NR2F1-AS1: variants seen among roughly 807,000 people sequenced by gnomAD.
NR2F1-AS1 encodes NR2F1 antisense RNA 1.
chr5:93,438,605 C>T (rs1228802165), intron 4 of NR2F1-AS1: 5 of 152,254 alleles, frequency 3.3e-5, no homozygotes, highest in African/African-American at 1.2e-4. Context: ...TCACTCTATT[C>T]TCCATACTGC....
At chr5:93,471,512 C>T (rs1490273818) in intron 4 of NR2F1-AS1, among the ~76,000 whole-genome samples, 1 of 151,562 alleles carries the variant, frequency 6.6e-6, no homozygotes, top group Non-Finnish European at 1.5e-5. Flanking sequence ...ATATAATAAC[C>T]TAATAAAATT....
chr5:93,450,768 A>G (rs1236918644), intron 4 of NR2F1-AS1, among the ~76,000 whole-genome samples: 1 of 152,100 alleles, frequency 6.6e-6, no homozygotes, highest in African/African-American at 2.4e-5. Context: ...TGAATACTCA[A>G]GAGCAAGATA....
At chr5:93,513,718 C>T (rs970359643) in intron 4 of NR2F1-AS1, among the ~76,000 whole-genome samples, 5 of 152,150 alleles carry the variant, frequency 3.3e-5, no homozygotes, top group Non-Finnish European at 7.4e-5. Flanking sequence ...GCTCATTACC[C>T]GGTTGACAGG....
intron 4 of NR2F1-AS1, among the ~76,000 whole-genome samples, chr5:93,449,348 C>T (rs958542986): frequency 2.0e-5 from 3 of 152,106 alleles, no homozygotes; most frequent in African/African-American, 7.2e-5. Context: ...CTTTTTCCCT[C>T]AACTAACACT....
chr5:93,513,056 T>C (rs1388412283), intron 4 of NR2F1-AS1, among the ~76,000 whole-genome samples: 4 of 152,032 alleles, frequency 2.6e-5, no homozygotes, highest in African/African-American at 7.2e-5. Context: ...AACAAACATA[T>C]GAAAAATTCT....
intron 4 of NR2F1-AS1, among the ~76,000 whole-genome samples, chr5:93,549,967 G>GAA (rs983054349): frequency 1.3e-5 from 2 of 152,002 alleles, no homozygotes; most frequent in Non-Finnish European, 2.9e-5. Flanking sequence ...CCCTGTCGAG[G>GAA]GGTTGGGGGC....
chr5:93,580,160 G>A (rs746665333), intron 1 of NR2F1-AS1, among the ~76,000 whole-genome samples: 23 of 152,226 alleles, frequency 1.5e-4, no homozygotes, highest in Non-Finnish European at 2.4e-4. Context: ...TTCCCGCCTA[G>A]GAGAGAGAGG....
chr5:93,454,466 T>C (rs1293883123), intron 4 of NR2F1-AS1, among the ~76,000 whole-genome samples: 1 of 152,198 alleles, frequency 6.6e-6, no homozygotes, highest in Non-Finnish European at 1.5e-5. Flanking sequence ...CTAAAACCTT[T>C]GCAGCTAGGA....
At chr5:93,585,176 G>A (rs1057522243), upstream of NR2F1-AS1, 84 of 1,264,518 alleles carry the variant, frequency 6.6e-5, no homozygotes, top group Non-Finnish European at 8.0e-5. Flanking sequence ...CGCCGCACAC[G>A]CCGCAGACCC....
intron 4 of NR2F1-AS1, chr5:93,432,572 T>C (rs1344633762): frequency 4.6e-5 from 7 of 152,306 alleles, no homozygotes; most frequent in Admixed American, 1.3e-4. Flanking sequence ...TCCTGGAGCA[T>C]TGGGTTTGGT....
intron 4 of NR2F1-AS1, among the ~76,000 whole-genome samples, chr5:93,465,341 G>T (rs1003501287): frequency 6.6e-6 from 1 of 152,188 alleles, no homozygotes; most frequent in South Asian, 2.1e-4. Context: ...ATGATCACTG[G>T]TCATCAAAGA....
At chr5:93,425,118 A>G (rs991532696) in intron 4 of NR2F1-AS1, among the ~76,000 whole-genome samples, 2 of 152,194 alleles carry the variant, frequency 1.3e-5, no homozygotes, top group African/African-American at 4.8e-5. Context: ...TACGTCTGTG[A>G]ATGGGCTGGG....
chr5:93,491,974 T>C (rs1211437960), intron 4 of NR2F1-AS1, among the ~76,000 whole-genome samples: 1 of 152,206 alleles, frequency 6.6e-6, no homozygotes, highest in African/African-American at 2.4e-5. Flanking sequence ...AATCTCCTCT[T>C]ATCCATCTAT....
intron 4 of NR2F1-AS1, among the ~76,000 whole-genome samples, chr5:93,433,405 A>C (rs924122778): frequency 6.6e-6 from 1 of 152,124 alleles, no homozygotes; most frequent in Non-Finnish European, 1.5e-5. Flanking sequence ...CACTGACTGG[A>C]GATTATGTTG....
intron 4 of NR2F1-AS1, chr5:93,543,238 A>G (rs1751995336): frequency 6.6e-6 from 1 of 152,268 alleles, no homozygotes; most frequent in African/African-American, 2.4e-5. Flanking sequence ...AAACAAAGCA[A>G]CATGGGCAAA....
chr5:93,424,912 G>A (rs541601024), intron 4 of NR2F1-AS1, among the ~76,000 whole-genome samples: 3 of 152,256 alleles, frequency 2.0e-5, no homozygotes, highest in African/African-American at 4.8e-5. Context: ...ATGATGTTGG[G>A]AAGCTTGGTA....
chr5:93,441,517 C>T (rs540998193), intron 4 of NR2F1-AS1, among the ~76,000 whole-genome samples: 20 of 152,206 alleles, frequency 1.3e-4, no homozygotes, highest in African/African-American at 4.8e-4. Context: ...GTCGGTTGCC[C>T]CCAGTTTAAA....
At chr5:93,488,055 C>G (rs1750763731) in intron 4 of NR2F1-AS1, among the ~76,000 whole-genome samples, 1 of 152,182 alleles carries the variant, frequency 6.6e-6, no homozygotes, top group African/African-American at 2.4e-5. Flanking sequence ...AAAACTGAAA[C>G]TGGACCCCTT....
chr5:93,419,934 T>G (rs975888949), intron 4 of NR2F1-AS1, among the ~76,000 whole-genome samples: 2 of 152,152 alleles, frequency 1.3e-5, no homozygotes, highest in Non-Finnish European at 2.9e-5. Flanking sequence ...TGGTGGCTCA[T>G]GCCTGTAATC....
Sources: gnomAD v4.1 joint callset for allele counts (sites outside exome capture counted in the v4.1 genomes callset) on GRCh38, gnomAD v4.1.1 for gene constraint, MANE v1.5 for transcripts, NCBI Gene and HGNC (gene_info 2026-07-23, HGNC 2026-07-21) for gene names.